BBS7: variants seen among roughly 807,000 people sequenced by gnomAD.
BBS7 encodes the protein BBSome complex member BBS7.
BBS7 carries 50 observed loss-of-function variants against 90.3 expected under a neutral mutation model. The observed-to-expected ratio is 0.55, with a 90% CI of 0.44 to 0.70. The LOEUF is 0.70. Among genes scored for constraint, BBS7 ranks in the 30% least tolerant of loss-of-function variants. BBS7 has a pLI of 0.00. For missense variants in BBS7, 729 were observed against 838.9 expected, an observed-to-expected ratio of 0.87 and a Z score of 1.62; for synonymous variants, 235 against 287.4, an observed-to-expected ratio of 0.82 and a Z score of 1.85.
At chr4:121,849,865 C>T (rs1029399353) in intron 8 of BBS7, among the ~76,000 whole-genome samples, 2 of 151,980 alleles carry the variant, frequency 1.3e-5, no homozygotes, top group Non-Finnish European at 2.9e-5. Context: ...AAGCAAAAAG[C>T]AAAATACCCC....
chr4:121,841,128 C>A (rs147092922), intron 12 of BBS7, among the ~76,000 whole-genome samples: 1 of 152,090 alleles, frequency 6.6e-6, no homozygotes, highest in African/African-American at 2.4e-5. Flanking sequence ...GTATGAGCCA[C>A]GGTGCCAAGC....
intron 15 of BBS7, among the ~76,000 whole-genome samples, chr4:121,832,009 A>AAAAC (rs1553930919): frequency 2.1e-5 from 3 of 142,768 alleles, no homozygotes; most frequent in Admixed American, 7.0e-5. Flanking sequence ...AAAAAACAAA[A>AAAAC]ACACACACAC....
At chr4:121,867,241 AAC>A (rs1727332926) in intron 2 of BBS7, among the ~76,000 whole-genome samples, 1 of 152,062 alleles carries the variant, frequency 6.6e-6, no homozygotes, top group African/African-American at 2.4e-5. Flanking sequence ...TGTGTATAGA[AAC>A]ACTACTAATT....
At chr4:121,828,034 A>G in intron 18 of BBS7, 112 bp downstream of exon 18, 1 of 1,547,040 alleles carries the variant, frequency 6.5e-7, no homozygotes, top group Non-Finnish European at 8.7e-7. Flanking sequence ...TGGTTCATGA[A>G]TCATGACTGA....
At chr4:121,851,705 T>C (rs1439243427) in intron 8 of BBS7, among the ~76,000 whole-genome samples, 1 of 152,254 alleles carries the variant, frequency 6.6e-6, no homozygotes, top group East Asian at 1.9e-4. Flanking sequence ...CTACCTTTTT[T>C]GATTAATCAA....
At position 121,863,307 on chromosome 4, in the gene BBS7, T is replaced by C. The variant is rs376730548; in HGVS notation, c.103-28A>G. ...GTAATAGATGGAAGATAATCTAAAATTACTATTATTAATATTATGACCTAA... is the reference window on the plus strand; with the variant it reads ...GTAATAGATGGAAGATAATCTAAAACTACTATTATTAATATTATGACCTAA... On this transcript the variant is annotated intron_variant, in intron 2 of 18. Transcript: ENST00000264499. 6 of 1,546,212 alleles carry C rather than the reference T, an allele frequency of 3.9e-6. No individual in the cohort carries two copies. The African/African-American group carries it at 8.2e-5, about 21-fold the overall frequency.
chr4:121,869,997 G>C (rs1352327611), intron 1 of BBS7, among the ~76,000 whole-genome samples: 2 of 152,234 alleles, frequency 1.3e-5, no homozygotes, highest in Non-Finnish European at 2.9e-5. Context: ...GGGCCCTGGG[G>C]GGAATCCGGG....
At chr4:121,837,686 T>C (rs1005448755) in intron 13 of BBS7, among the ~76,000 whole-genome samples, 5 of 152,214 alleles carry the variant, frequency 3.3e-5, no homozygotes, top group African/African-American at 4.8e-5. Context: ...GGTAGTTTTA[T>C]GGTATGTTTT....
intron 11 of BBS7, among the ~76,000 whole-genome samples, 164 bp downstream of exon 11, chr4:121,845,340 T>G (rs1338360465): frequency 2.6e-5 from 4 of 151,772 alleles, no homozygotes; most frequent in Non-Finnish European, 5.9e-5. Context: ...TGCACTCCAG[T>G]CTAGGTGACA....
At chr4:121,828,059 C>A in intron 18 of BBS7, 87 bp downstream of exon 18, 1 of 1,577,936 alleles carries the variant, frequency 6.3e-7, no homozygotes, top group Non-Finnish European at 8.6e-7. Context: ...ATCTTTTTAT[C>A]TTTCTGCCCA....
At chr4:121,863,386 A>T in intron 2 of BBS7, 107 bp from the exon 3 acceptor site, 1 of 970,478 alleles carries the variant, frequency 1.0e-6, no homozygotes, top group Non-Finnish European at 1.5e-6. Context: ...GACTTAATAG[A>T]GATCAGAAAA....
intron 2 of BBS7, among the ~76,000 whole-genome samples, chr4:121,864,021 T>C (rs1433795484): frequency 1.3e-5 from 2 of 152,180 alleles, no homozygotes; most frequent in Non-Finnish European, 2.9e-5. Flanking sequence ...TCCCGTCAGA[T>C]CAGCAGCGTC....
intron 13 of BBS7, 39 bp from the exon 14 acceptor site, chr4:121,835,322 T>C: frequency 6.2e-7 from 1 of 1,609,348 alleles, no homozygotes; most frequent in South Asian, 1.1e-5. Context: ...TAAGAATATT[T>C]AGCAACAAAA....
chr4:121,857,084 G>T (rs1418724118), intron 5 of BBS7, among the ~76,000 whole-genome samples: 1 of 149,386 alleles, frequency 6.7e-6, no homozygotes, highest in African/African-American at 2.5e-5. Flanking sequence ...AAAGTTTAAT[G>T]TTTATTTAGA....
At position 121,833,355 on chromosome 4, in the gene BBS7, C is replaced by A. The variant is rs1252305452; in HGVS notation, c.1552G>T (p.Ala518Ser). 1 of 1,613,918 alleles carries A rather than the reference C, an allele frequency of 6.2e-7. No individual in the cohort carries two copies. The highest frequency in any genetic ancestry group is 8.5e-7 in the Non-Finnish European group (1 of 1,179,922). The change falls in exon 15 of 19, where the codon GCT becomes TCT. Residue 518 changes from alanine (A) to serine (S), a missense_variant. Coordinates refer to ENST00000264499, the MANE Select transcript of BBS7 (RefSeq NM_176824.3). ...AAAACCACCCAGGAGTGAACTTCAG[C>A]AAAACTGAACTGGCCTGTTAGGGTC... ...TLTLTGQFSFAEVHSWVVFCL... is the reference protein window; with the variant it reads ...TLTLTGQFSFSEVHSWVVFCL...
chr4:121,848,738 G>A, intron 9 of BBS7, 106 bp downstream of exon 9: 2 of 862,492 alleles, frequency 2.3e-6, no homozygotes, highest in East Asian at 2.7e-5. Flanking sequence ...AATAAGGGGG[G>A]ACTACTATAA....
At chr4:121,851,688 C>T (rs961594485) in intron 8 of BBS7, among the ~76,000 whole-genome samples, 2 of 152,062 alleles carry the variant, frequency 1.3e-5, no homozygotes, top group Admixed American at 6.6e-5. Flanking sequence ...TATGATTCAC[C>T]CCTTAACTAC....
At position 121,839,531 on chromosome 4, in the gene BBS7, GAAATT is replaced by G. The variant is rs374987920; in HGVS notation, c.1371+95_1371+99del. 678 of 1,014,722 alleles carry G rather than the reference GAAATT, an allele frequency of 6.7e-4. 2 individuals carry two copies. The African/African-American group carries it at 1.0e-2, about 15-fold the overall frequency. The allele number at this position is 1,014,722 out of a possible 1,614,324, so 62.9% of individuals were successfully genotyped here. A position where few individuals can be genotyped will look rare whatever the true frequency, so the allele number is the denominator to read the frequency against. On this transcript the variant is annotated intron_variant, in intron 13 of 18. Coordinates refer to ENST00000264499, the MANE Select transcript of BBS7 (RefSeq NM_176824.3). Reference sequence around the variant, plus strand: ...TACTCCAAACAATTCATTTCAGGGAGAAATTAAATGCAAACAAATAATATCATATG... The same window carrying G: ...TACTCCAAACAATTCATTTCAGGGAGAAATGCAAACAAATAATATCATATG...
chr4:121,855,053 C>G (rs530786363), intron 6 of BBS7, among the ~76,000 whole-genome samples: 1 of 152,228 alleles, frequency 6.6e-6, no homozygotes, highest in African/African-American at 2.4e-5. Flanking sequence ...TGGCTCATGC[C>G]TGTAATCCCA....
Sources: gnomAD v4.1 joint callset for allele counts (sites outside exome capture counted in the v4.1 genomes callset) on GRCh38, gnomAD v4.1.1 for gene constraint, MANE v1.5 for transcripts, NCBI Gene and HGNC (gene_info 2026-07-23, HGNC 2026-07-21) for gene names.